ZNF316: variants seen among roughly 807,000 people sequenced by gnomAD.
The protein encoded by ZNF316 is zinc finger protein 316.
In ZNF316, 23 loss-of-function variants were observed where a neutral mutation model predicts 75.6. The observed-to-expected ratio is 0.30, with a 90% CI of 0.22 to 0.43. The LOEUF (loss-of-function observed/expected upper bound fraction) is 0.43. Ranked by LOEUF, ZNF316 falls within the 20% of genes least tolerant of loss-of-function variation. The probability of loss-of-function intolerance (pLI) is 1.00; values close to 1 mark genes in which losing one functional copy is unlikely to be tolerated. For synonymous variants in ZNF316, 827 were observed against 666.2 expected, an observed-to-expected ratio of 1.24 and a Z score of -3.72; for missense variants, 1,266 against 1,409.4, an observed-to-expected ratio of 0.90 and a Z score of 1.63.
At chr7:6,644,396 C>A (rs1254705897) in intron 7 of ZNF316, 84 bp from the exon 8 acceptor site, 1 of 645,868 alleles carries the variant, frequency 1.5e-6, no homozygotes, top group East Asian at 3.4e-5. Flanking sequence ...GGTGGAGGGG[C>A]ACTGAGCGGT....
At chr7:6,641,464 G>C (rs1779310696) in intron 3 of ZNF316, among the ~76,000 whole-genome samples, 1 of 152,266 alleles carries the variant, frequency 6.6e-6, no homozygotes, top group South Asian at 2.1e-4. Context: ...ACAGGGGCTA[G>C]TGAAGGACAC....
rs1779526987 is a variant in ZNF316 at position 6,652,543 on chromosome 7, T to C, written c.947T>C (p.Phe316Ser). Residue 316 changes from phenylalanine (F) to serine (S), a missense_variant, in exon 9 of 9, where the codon TTC becomes TCC. Phe to Ser is a radical substitution (Grantham distance 155). This residue lies in a region of ZNF316 where 961 missense variants were observed against 990.9 expected (regional missense o/e 0.97). Coordinates refer to ENST00000382252, the MANE Select transcript of ZNF316 (RefSeq NM_001278559.2). ...VLADGSEAKPFLPGREPGANL... is the reference protein window; with the variant it reads ...VLADGSEAKPSLPGREPGANL... The stretch of plus-strand genomic sequence containing the variant: ...GCCGACGGCTCTGAAGCGAAGCCTT[T>C]CCTGCCCGGCCGGGAGCCGGGTGCG... 3 of 1,230,892 alleles carry C rather than the reference T, an allele frequency of 2.4e-6. No individual in the cohort carries two copies. Among genetic ancestry groups the C allele is most frequent in the South Asian group, 8.2e-5 (2 of 24,346 alleles). The allele number at this position is 1,230,892 out of a possible 1,614,324, so 76.2% of individuals were successfully genotyped here.
At chr7:6,650,889 G>A (rs191405373) in intron 8 of ZNF316, among the ~76,000 whole-genome samples, 80 of 152,256 alleles carry the variant, frequency 5.3e-4, no homozygotes, top group African/African-American at 1.8e-3. Flanking sequence ...TTCCCTCCTG[G>A]GTGCGTCACG....
In ZNF316 at chr7:6,654,030, T is replaced by A; in HGVS notation, c.2434T>A (p.Phe812Ile). 1 of 1,196,318 alleles carries A rather than the reference T, an allele frequency of 8.4e-7. No homozygotes were observed. Among genetic ancestry groups the A allele is most frequent in the Non-Finnish European group, 1.0e-6 (1 of 965,494 alleles). 74.1% of individuals were successfully genotyped at this position (1,196,318 alleles called of 1,614,324 possible). Residue 812 changes from phenylalanine to isoleucine, a missense_variant, in exon 9 of 9, where the codon TTC (phenylalanine) becomes ATC (isoleucine). Coordinates refer to ENST00000382252, the MANE Select transcript of ZNF316 (RefSeq NM_001278559.2). ...CGCGTGTGGAGAGTGCGGCCGGCGC[T>A]TCGGGCAGAGCGCGGCGCTGACGCG... ...PYACGECGRR[F>I]GQSAALTRHQ...
Position 6,657,311 on chromosome 7 carries a change from C to CAAAAAA in ZNF316, c.*2722_*2727dup, listed in dbSNP as rs33942632. 1.5e-5 allele frequency among the ~76,000 whole-genome samples: 1 copy of CAAAAAA among 65,196 alleles called. No homozygotes were observed. Among genetic ancestry groups the CAAAAAA allele is most frequent in the Non-Finnish European group, 2.8e-5 (1 of 35,910 alleles). The allele number at this position is 65,196 out of a possible 152,430, so 42.8% of individuals were successfully genotyped here. On this transcript the variant is annotated 3_prime_UTR_variant, in exon 9 of 9. Transcript: ENST00000382252. ...GCCCGGCCAGAGCAACCTAATATTT[C>CAAAAAA]AAAAAAAAAAAAAAAAAAAAAAAAA...
rs1479009872 is a variant in ZNF316, at chr7:6,639,221, C to G, written c.-167+80C>G. 6.6e-6 allele frequency: 1 copy of G among 152,246 alleles called. No homozygotes were observed. The highest frequency in any genetic ancestry group is 1.5e-5 in the Non-Finnish European group (1 of 68,100). The allele number at this position is 152,246 out of a possible 1,614,324, so 9.4% of individuals were successfully genotyped here. ...CTGTTCTGGAACAGGACAGTAGGGC[C>G]AAAATGCTGAGTTTGAAAAATCCTG... On this transcript the variant is annotated intron_variant, in intron 3 of 8. Coordinates refer to ENST00000382252, the MANE Select transcript of ZNF316 (RefSeq NM_001278559.2). The surrounding 1 kb of genome is among the most constrained non-coding windows in gnomAD (Gnocchi z 4.2).
intron 8 of ZNF316, among the ~76,000 whole-genome samples, chr7:6,651,569 T>C (rs1159835871): frequency 4.6e-5 from 7 of 151,888 alleles, no homozygotes; most frequent in Admixed American, 3.3e-4. Flanking sequence ...GCAGAAGAAT[T>C]GCTTGAACCT....
chr7:6,657,705 G>A lies in ZNF316; in HGVS notation c.*3094G>A, dbSNP rs192543357. ...CTATAAAAAATACAAAAATTAGCTG[G>A]GTGTGGTGGCGCACGTCTATAGTCC... is the stretch of plus-strand genomic sequence containing the variant. On this transcript the variant is annotated 3_prime_UTR_variant, in exon 9 of 9. Transcript: ENST00000382252. Among the ~76,000 whole-genome samples, 2 of 151,668 alleles carry A rather than the reference G, an allele frequency of 1.3e-5. No individual in the cohort carries two copies. Among genetic ancestry groups the A allele is most frequent in the African/African-American group, 4.8e-5 (2 of 41,280 alleles).
rs1486167235 is a variant in ZNF316, at chr7:6,654,548, C to A, written c.2952C>A (p.Phe984Leu). Residue 984 changes from phenylalanine (F) to leucine (L), a missense_variant, in exon 9 of 9, where the codon TTC becomes TTA. Phe to Leu is a conservative substitution (Grantham distance 22). Around this residue, in one of 3 missense-constraint regions of ZNF316, gnomAD observed 111 missense variants for 99.2 expected, o/e 1.12. Transcript: ENST00000382252. ...ALLEFAGGTS[F>L]GSEHQAAFAG... Reference sequence around the variant, plus strand: ...TGGAGTTCGCGGGCGGCACAAGCTTCGGCTCCGAGCACCAGGCCGCGTTCG... The same window carrying A: ...TGGAGTTCGCGGGCGGCACAAGCTTAGGCTCCGAGCACCAGGCCGCGTTCG... The A allele has an allele frequency of 8.4e-7, 1 of 1,184,708 alleles. No individual in the cohort carries two copies. Among genetic ancestry groups the A allele is most frequent in the Non-Finnish European group, 1.0e-6 (1 of 957,686 alleles). The allele number at this position is 1,184,708 out of a possible 1,614,324, so 73.4% of individuals were successfully genotyped here.
At chr7:6,645,529 C>A (rs1329448753) in intron 8 of ZNF316, among the ~76,000 whole-genome samples, 2 of 150,866 alleles carry the variant, frequency 1.3e-5, no homozygotes, top group South Asian at 2.1e-4. Flanking sequence ...ACTAAAAATA[C>A]AAAAATTAGC....
At chr7:6,650,659 T>C (rs1204967735) in intron 8 of ZNF316, among the ~76,000 whole-genome samples, 1 of 152,110 alleles carries the variant, frequency 6.6e-6, no homozygotes, top group East Asian at 1.9e-4. Flanking sequence ...CACTCAGTGG[T>C]CCAGGCTTAT....
chr7:6,643,785 C>G, intron 6 of ZNF316, 37 bp from the exon 7 acceptor site: 1 of 1,232,732 alleles, frequency 8.1e-7, no homozygotes. Context: ...TTGTAAAGGG[C>G]TCCCTCAGCC....
rs1779654751 is a variant in ZNF316, at chr7:6,657,872, A to T, written c.*3261A>T. 6.6e-6 allele frequency among the ~76,000 whole-genome samples: 1 copy of T among 151,004 alleles called. No individual in the cohort carries two copies. The highest frequency in any genetic ancestry group is 2.4e-5 in the African/African-American group (1 of 41,126). On this transcript the variant is annotated 3_prime_UTR_variant, in exon 9 of 9. Coordinates refer to ENST00000382252, the MANE Select transcript of ZNF316 (RefSeq NM_001278559.2). ...AAAAAAAAAAAGGTTCCCCGATAGAACTTATAGTTGACTGTCCAGCCAAAT... is the reference window on the plus strand; with the variant it reads ...AAAAAAAAAAAGGTTCCCCGATAGATCTTATAGTTGACTGTCCAGCCAAAT...
Position 6,637,687 on chromosome 7 carries a change from C to A in ZNF316, c.-430-159C>A, listed in dbSNP as rs1459198991. 6.6e-6 allele frequency among the ~76,000 whole-genome samples: 1 copy of A among 151,338 alleles called. No individual in the cohort carries two copies. The highest frequency in any genetic ancestry group is 1.5e-5 in the Non-Finnish European group (1 of 67,750). On this transcript the variant is annotated intron_variant, in intron 1 of 8. Transcript: ENST00000382252. This position sits in a 1 kb window ranked among gnomAD's most constrained non-coding sequence, Gnocchi z 6.2. ...CCGTCCGGGCCTGCGCGTTGCCGAC[C>A]CCCGGGGCCGGTCCGGGCAGGAGGC...
chr7:6,646,793 T>A (rs2115313344), intron 8 of ZNF316, among the ~76,000 whole-genome samples: 1 of 152,284 alleles, frequency 6.6e-6, no homozygotes, highest in East Asian at 1.9e-4. Context: ...AGGCTGCCTG[T>A]GCCCAGGCTG....
intron 8 of ZNF316, among the ~76,000 whole-genome samples, chr7:6,645,504 C>A (rs1779385365): frequency 6.7e-6 from 1 of 149,686 alleles, no homozygotes. Flanking sequence ...ACCAACATGG[C>A]AAAACCCCAT....
chr7:6,650,183 A>G (rs1318728551), intron 8 of ZNF316, among the ~76,000 whole-genome samples: 2 of 152,074 alleles, frequency 1.3e-5, no homozygotes, highest in African/African-American at 4.8e-5. Flanking sequence ...CAGCCTCCCT[A>G]TCCTGTAGGG....
intron 8 of ZNF316, among the ~76,000 whole-genome samples, chr7:6,649,051 C>T (rs1009716552): frequency 6.6e-6 from 1 of 152,118 alleles, no homozygotes; most frequent in Admixed American, 6.5e-5. Context: ...CTGTCACCTG[C>T]CGCTGGATGG....
rs1239705106 is a variant in ZNF316 at position 6,652,913 on chromosome 7, G to A, written c.1317G>A (p.Gly439=). 3.2e-6 allele frequency: 4 copies of A among 1,241,994 alleles called. No homozygotes were observed. The South Asian group carries it at 1.1e-4, about 35-fold the overall frequency. The allele number at this position is 1,241,994 out of a possible 1,614,324, so 76.9% of individuals were successfully genotyped here. Residue 439 remains glycine, a synonymous_variant, in exon 9 of 9, where the codon GGG becomes GGA. Coordinates refer to ENST00000382252, the MANE Select transcript of ZNF316 (RefSeq NM_001278559.2). ...GCGCCTTCTGCGGCGCGGGCTTCGG[G>A]CGCCGCTCCTACCTGGTCACGCACC... ...YRCAFCGAGF[G]RRSYLVTHQR... is the part of the protein sequence containing the mutation.
Sources: allele counts gnomAD v4.1 joint callset (sites outside exome capture counted in the v4.1 genomes callset), GRCh38; gene constraint gnomAD v4.1.1; regional missense constraint gnomAD v4.1.1; non-coding constraint Gnocchi (gnomAD v3.1); transcripts MANE v1.5; gene names NCBI Gene and HGNC (gene_info 2026-07-23, HGNC 2026-07-21).